Variants in ABCA13 observed in about 807,000 individuals in gnomAD.
ABCA13 encodes ATP-binding cassette sub-family A member 13.
ABCA13 carries 476 observed loss-of-function variants against 478.7 expected under a neutral mutation model. That is an observed-to-expected ratio of 0.99 (90% CI 0.92 to 1.07). The LOEUF is 1.07. ABCA13 is among the 50% of genes least tolerant of loss of function. ABCA13 has a pLI of 0.00. For missense variants in ABCA13, 6,060 were observed against 5,910.6 expected (o/e 1.03, Z -0.83); for synonymous variants, 2,252 against 2,158.9 (o/e 1.04, Z -1.20).
At chr7:48,259,851 C>T (rs985128019) in intron 15 of ABCA13, among the ~76,000 whole-genome samples, 2 of 151,872 alleles carry the variant, frequency 1.3e-5, no homozygotes, top group Admixed American at 6.6e-5. Context: ...GATCTTATTT[C>T]TCCTTTGTGC....
chr7:48,286,116 A>C (rs1023897620), intron 19 of ABCA13, among the ~76,000 whole-genome samples: 3 of 151,990 alleles, frequency 2.0e-5, no homozygotes, highest in Non-Finnish European at 4.4e-5. Flanking sequence ...TCCCTTCCCC[A>C]CCATAGCCTC....
rs757948499 is a variant in ABCA13, at chr7:48,249,349, T to C, written c.2003T>C (p.Leu668Ser). ...NMQESFQNRL[L>S]AFPEESPCFE... ...CAAGAGAGTTTCCAGAACAGACTAT[T>C]GGGTAAGTCAGTAGCCTAAACTACA... Residue 668 changes from leucine (L) to serine (S), a missense_variant and splice_region_variant, in exon 15 of 62, where the codon TTG (leucine) becomes TCG (serine). By Grantham distance (145) the Leu-to-Ser change is moderately radical. This residue lies in a region of ABCA13 where 4,423 missense variants were observed against 4,309.1 expected (regional missense o/e 1.03). Transcript: ENST00000435803. 164 of 1,612,664 alleles carry C rather than the reference T, an allele frequency of 1.0e-4. No homozygotes were observed. Among genetic ancestry groups the C allele is most frequent in the Non-Finnish European group, 1.3e-4 (156 of 1,179,226 alleles).
intron 42 of ABCA13, among the ~76,000 whole-genome samples, chr7:48,440,630 C>G: frequency 6.6e-6 from 1 of 151,946 alleles, no homozygotes. Context: ...TTTAATGAAA[C>G]TATGATTATT....
In ABCA13 at chr7:48,219,315, G is replaced by A. The variant is rs536297824; in HGVS notation, c.288-39G>A. On this transcript the variant is annotated intron_variant, in intron 3 of 61. Transcript: ENST00000435803. The stretch of plus-strand genomic sequence containing the variant: ...AAAAATGCCAAGGAAACTTATTCTT[G>A]TTAAAGAGTTTCACTTGCAGTATTT... The A allele has an allele frequency of 1.5e-5, 24 of 1,562,782 alleles. No homozygotes were observed. In the African/African-American group the frequency reaches 2.4e-4, roughly 15 times the overall value.
chr7:48,488,437 C>T (rs903305723), intron 47 of ABCA13, among the ~76,000 whole-genome samples: 4 of 152,058 alleles, frequency 2.6e-5, no homozygotes, highest in Admixed American at 1.3e-4. Flanking sequence ...GCATAAACTA[C>T]GATAACTTGA....
chr7:48,609,104 A>G (rs1248545679), intron 58 of ABCA13, among the ~76,000 whole-genome samples: 1 of 152,112 alleles, frequency 6.6e-6, no homozygotes, highest in Non-Finnish European at 1.5e-5. Flanking sequence ...GAAACTCTCT[A>G]CATTCTTGTA....
intron 27 of ABCA13, among the ~76,000 whole-genome samples, chr7:48,330,601 T>C (rs1306264573): frequency 2.1e-5 from 3 of 142,108 alleles, no homozygotes; most frequent in Non-Finnish European, 3.1e-5. Context: ...ATGCATCTAT[T>C]CATCCATCCA....
At position 48,372,423 on chromosome 7, in the gene ABCA13, A is replaced by G. The variant is rs912208187; in HGVS notation, c.11059A>G (p.Met3687Val). The change falls in exon 33 of 62, where the codon ATG (methionine) becomes GTG (valine). Residue 3687 changes from methionine (M) to valine (V), a missense_variant. Transcript: ENST00000435803. The stretch of plus-strand genomic sequence containing the variant: ...GGCCCTTTGTACCAGCCTGGTGTAC[A>G]TGATCAGCTTTCTGCCCTACATAGT... Reference protein sequence around the residue: ...TAALCTSLVYMISFLPYIVLL... With the variant: ...TAALCTSLVYVISFLPYIVLL... 6 of 1,613,810 alleles carry G rather than the reference A, an allele frequency of 3.7e-6. No homozygotes were observed. The highest frequency in any genetic ancestry group is 5.1e-6 in the Non-Finnish European group (6 of 1,179,852).
chr7:48,526,534 C>T (rs1832901337), intron 54 of ABCA13, among the ~76,000 whole-genome samples: 1 of 152,090 alleles, frequency 6.6e-6, no homozygotes, highest in Non-Finnish European at 1.5e-5. Flanking sequence ...GGGATATTGT[C>T]TGAGAAATGT....
At chr7:48,510,834 T>C (rs1831614734) in intron 50 of ABCA13, among the ~76,000 whole-genome samples, 1 of 151,922 alleles carries the variant, frequency 6.6e-6, no homozygotes, top group Non-Finnish European at 1.5e-5. Flanking sequence ...CTTAATCACT[T>C]GTTCAAAGTC....
At chr7:48,437,262 G>A (rs888008815) in intron 42 of ABCA13, among the ~76,000 whole-genome samples, 1 of 151,902 alleles carries the variant, frequency 6.6e-6, no homozygotes, top group African/African-American at 2.4e-5. Context: ...TTTTTAAAGG[G>A]TCAACATAAT....
intron 20 of ABCA13, among the ~76,000 whole-genome samples, chr7:48,294,690 C>T (rs1799124217): frequency 6.6e-6 from 1 of 151,978 alleles, no homozygotes; most frequent in African/African-American, 2.4e-5. Context: ...TCATGATCCA[C>T]CCGCCTCGGC....
At chr7:48,367,716 A>G in intron 31 of ABCA13, 78 bp from the exon 32 acceptor site, 1 of 1,136,880 alleles carries the variant, frequency 8.8e-7, no homozygotes, top group Non-Finnish European at 1.3e-6. Flanking sequence ...AGAGCTTTCT[A>G]ACTTGGAAGA....
At chr7:48,564,676 T>C (rs966919494) in intron 55 of ABCA13, among the ~76,000 whole-genome samples, 5 of 151,772 alleles carry the variant, frequency 3.3e-5, no homozygotes, top group Admixed American at 1.3e-4. Flanking sequence ...AAATTTCTTA[T>C]ATAATTAAAA....
At chr7:48,369,001 T>C (rs1020908024) in intron 32 of ABCA13, among the ~76,000 whole-genome samples, 1 of 152,132 alleles carries the variant, frequency 6.6e-6, no homozygotes, top group Non-Finnish European at 1.5e-5. Flanking sequence ...GTGGTTGTAC[T>C]AATTTACATT....
intron 43 of ABCA13, among the ~76,000 whole-genome samples, chr7:48,459,502 A>G (rs1308554967): frequency 6.6e-6 from 1 of 152,128 alleles, no homozygotes; most frequent in African/African-American, 2.4e-5. Flanking sequence ...CCAGCAAAAT[A>G]AGAATACTTC....
intron 46 of ABCA13, among the ~76,000 whole-genome samples, 188 bp from the exon 47 acceptor site, chr7:48,482,888 T>G (rs886880798): frequency 2.0e-5 from 3 of 152,216 alleles, no homozygotes; most frequent in Non-Finnish European, 2.9e-5. Context: ...TTTGCCTGGC[T>G]TGGGAGCCAG....
chr7:48,269,256 T>C (rs538206042), intron 16 of ABCA13, among the ~76,000 whole-genome samples, 162 bp downstream of exon 16: 1 of 152,242 alleles, frequency 6.6e-6, no homozygotes, highest in Admixed American at 6.5e-5. Flanking sequence ...TTTAATAGAG[T>C]GTGTGACTCA....
chr7:48,571,078 G>A (rs1787599855), intron 55 of ABCA13, among the ~76,000 whole-genome samples: 2 of 151,988 alleles, frequency 1.3e-5, no homozygotes, highest in South Asian at 4.1e-4. Context: ...ATAAAATTGT[G>A]TTTCTACATA....
Sources: allele counts gnomAD v4.1 joint callset (sites outside exome capture counted in the v4.1 genomes callset), GRCh38; gene constraint gnomAD v4.1.1; regional missense constraint gnomAD v4.1.1; transcripts MANE v1.5; gene names NCBI Gene and HGNC (gene_info 2026-07-23, HGNC 2026-07-21).